The following HS6ST3 variants were observed in gnomAD, a reference collection of about 807,000 sequenced individuals.
HS6ST3 encodes heparan-sulfate 6-O-sulfotransferase 3.
HS6ST3 carries 12 observed loss-of-function variants against 36.7 expected under a neutral mutation model. The observed-to-expected ratio is 0.33, with a 90% CI of 0.21 to 0.53. The LOEUF (loss-of-function observed/expected upper bound fraction) is 0.53. HS6ST3 is among the 20% of genes least tolerant of loss of function. HS6ST3 has a pLI of 0.95. For synonymous variants in HS6ST3, 240 were observed against 257.5 expected, an observed-to-expected ratio of 0.93 and a Z score of 0.65; for missense variants, 584 against 640.9, an observed-to-expected ratio of 0.91 and a Z score of 0.96.
At chr13:96,570,509 G>A (rs763831446) in intron 1 of HS6ST3, among the ~76,000 whole-genome samples, 6 of 152,100 alleles carry the variant, frequency 3.9e-5, no homozygotes, top group South Asian at 2.1e-4. Context: ...CCTAAATTAC[G>A]GGTCAGGGAG....
intron 1 of HS6ST3, among the ~76,000 whole-genome samples, chr13:96,317,443 A>G (rs376366688): frequency 6.9e-6 from 1 of 145,622 alleles, no homozygotes; most frequent in Non-Finnish European, 1.5e-5. Context: ...TATATGTCAC[A>G]TTTTCTTTAT....
intron 1 of HS6ST3, among the ~76,000 whole-genome samples, chr13:96,389,415 G>A (rs1003317199): frequency 6.6e-6 from 1 of 151,996 alleles, no homozygotes; most frequent in African/African-American, 2.4e-5. Context: ...AACCTCATAG[G>A]TTGGAAATAA....
chr13:96,316,317 T>C (rs2054969945), intron 1 of HS6ST3, among the ~76,000 whole-genome samples: 2 of 151,900 alleles, frequency 1.3e-5, no homozygotes. Flanking sequence ...ACAGTGGATG[T>C]GTATGACTGT....
chr13:96,356,789 T>G (rs1032669678), intron 1 of HS6ST3, among the ~76,000 whole-genome samples: 1 of 152,166 alleles, frequency 6.6e-6, no homozygotes, highest in Non-Finnish European at 1.5e-5. Context: ...AACAAGAGAG[T>G]CAGCTTATCT....
intron 1 of HS6ST3, among the ~76,000 whole-genome samples, chr13:96,773,618 C>T (rs1486999739): frequency 1.3e-5 from 2 of 152,156 alleles, no homozygotes; most frequent in Non-Finnish European, 2.9e-5. Flanking sequence ...AGCCAGACTG[C>T]CTCTCTAGAT....
At chr13:96,213,973 A>G (rs959786624) in intron 1 of HS6ST3, among the ~76,000 whole-genome samples, 21 of 152,168 alleles carry the variant, frequency 1.4e-4, no homozygotes, top group African/African-American at 4.8e-4. Context: ...CAGCACCTAC[A>G]TACCCATTCC....
At chr13:96,391,923 G>A (rs180891498) in intron 1 of HS6ST3, among the ~76,000 whole-genome samples, 8 of 152,292 alleles carry the variant, frequency 5.3e-5, no homozygotes, top group East Asian at 3.9e-4. Context: ...CTGGCTTGCC[G>A]AGAGGAATGA....
At chr13:96,623,168 G>T (rs1594820743) in intron 1 of HS6ST3, among the ~76,000 whole-genome samples, 1 of 152,096 alleles carries the variant, frequency 6.6e-6, no homozygotes, top group African/African-American at 2.4e-5. Flanking sequence ...GCATTAGGGT[G>T]GAGGTACAGG....
At chr13:96,825,550 G>C (rs955457798) in intron 1 of HS6ST3, among the ~76,000 whole-genome samples, 4 of 152,110 alleles carry the variant, frequency 2.6e-5, no homozygotes, top group South Asian at 4.1e-4. Flanking sequence ...GTCTCTGCTG[G>C]TCTCTTACCA....
chr13:96,794,081 T>C (rs1027059865), intron 1 of HS6ST3, among the ~76,000 whole-genome samples: 2 of 152,090 alleles, frequency 1.3e-5, no homozygotes, highest in African/African-American at 4.8e-5. Flanking sequence ...GATTTTGGCA[T>C]GTATATACCT....
intron 1 of HS6ST3, among the ~76,000 whole-genome samples, chr13:96,475,713 T>A (rs2055861157): frequency 6.6e-6 from 1 of 152,072 alleles, no homozygotes. Context: ...TTTAAGTCAT[T>A]CAACAATGGT....
At chr13:96,163,433 A>G (rs371201414) in intron 1 of HS6ST3, among the ~76,000 whole-genome samples, 52 of 151,734 alleles carry the variant, frequency 3.4e-4, no homozygotes, top group Non-Finnish European at 4.6e-4. Context: ...GTTTCACCGT[A>G]TTAGCTAGCA....
chr13:96,160,139 A>G (rs1320279128), intron 1 of HS6ST3, among the ~76,000 whole-genome samples: 1 of 152,220 alleles, frequency 6.6e-6, no homozygotes. Context: ...CCATATAGCT[A>G]TGTGAGGTTT....
At chr13:96,412,108 G>A (rs1399293552) in intron 1 of HS6ST3, among the ~76,000 whole-genome samples, 2 of 151,998 alleles carry the variant, frequency 1.3e-5, no homozygotes, top group African/African-American at 2.4e-5. Flanking sequence ...GGGTTCAAGC[G>A]ATTCTCCTGC....
At chr13:96,220,170 C>G (rs1269137297) in intron 1 of HS6ST3, among the ~76,000 whole-genome samples, 3 of 152,114 alleles carry the variant, frequency 2.0e-5, no homozygotes, top group Non-Finnish European at 4.4e-5. Flanking sequence ...CAGTGTCTAT[C>G]TTGGAGAGTG....
intron 1 of HS6ST3, among the ~76,000 whole-genome samples, chr13:96,585,338 AT>A (rs1242955253): frequency 1.3e-5 from 2 of 152,128 alleles, no homozygotes; most frequent in Non-Finnish European, 2.9e-5. Context: ...AATTCAATAC[AT>A]TTTTTTAAAT....
chr13:96,199,169 A>G (rs1306507097), intron 1 of HS6ST3, among the ~76,000 whole-genome samples: 3 of 152,174 alleles, frequency 2.0e-5, no homozygotes, highest in Admixed American at 6.5e-5. Flanking sequence ...CCCTCCCACA[A>G]CATGTGAGAA....
intron 1 of HS6ST3, among the ~76,000 whole-genome samples, chr13:96,169,233 T>G (rs1258985564): frequency 6.8e-6 from 1 of 146,570 alleles, no homozygotes; most frequent in Non-Finnish European, 1.5e-5. Context: ...GGATTTTGAC[T>G]GGGAGTTTCT....
chr13:96,834,625 C>T lies in HS6ST3; in HGVS notation c.*1427C>T, dbSNP rs1878881562. On this transcript the variant is annotated 3_prime_UTR_variant, in exon 2 of 2. Coordinates refer to ENST00000376705, the MANE Select transcript of HS6ST3 (RefSeq NM_153456.4). ...GGATCAGAGTGAGTGGGAAGTTTCA[C>T]AACGGATTGATCTGATCAATCCCTT... 6.6e-6 allele frequency: 1 copy of T among 152,658 alleles called. No homozygotes were observed. The highest frequency in any genetic ancestry group is 1.5e-5 in the Non-Finnish European group (1 of 68,048). The allele number at this position is 152,658 out of a possible 1,614,324, so 9.5% of individuals were successfully genotyped here.
Sources: allele counts gnomAD v4.1 joint callset (sites outside exome capture counted in the v4.1 genomes callset), GRCh38; gene constraint gnomAD v4.1.1; transcripts MANE v1.5; gene names NCBI Gene and HGNC (gene_info 2026-07-23, HGNC 2026-07-21).